Variants in HEMK2 observed in about 807,000 individuals in gnomAD.
HEMK2 encodes the protein methyltransferase HEMK2.
chr21:28,583,389 C>T, the HEMK2 span, among the ~76,000 whole-genome samples: 1 of 152,154 alleles, frequency 6.6e-6, no homozygotes, highest in Non-Finnish European at 1.5e-5. Context: ...CCAGAAACCC[C>T]TTCAAGAATT....
the HEMK2 span, among the ~76,000 whole-genome samples, chr21:28,844,904 T>C: frequency 6.6e-6 from 1 of 151,524 alleles, no homozygotes. Flanking sequence ...TGTTCAGCTA[T>C]TTGAAAAAAT....
the HEMK2 span, among the ~76,000 whole-genome samples, chr21:28,606,762 A>G: frequency 5.1e-4 from 77 of 152,206 alleles, no homozygotes; most frequent in Non-Finnish European, 9.1e-4. Context: ...TTCTGCCTCA[A>G]TAAAGTTTAC....
At chr21:28,627,748 C>G in the HEMK2 span, among the ~76,000 whole-genome samples, 1 of 152,168 alleles carries the variant, frequency 6.6e-6, no homozygotes, top group Non-Finnish European at 1.5e-5. Flanking sequence ...GTTACCACAC[C>G]TAAGTAACAA....
chr21:28,789,560 A>G, the HEMK2 span, among the ~76,000 whole-genome samples: 1 of 152,238 alleles, frequency 6.6e-6, no homozygotes, highest in Non-Finnish European at 1.5e-5. Flanking sequence ...CTACATTGCT[A>G]ACTAATGCCT....
the HEMK2 span, among the ~76,000 whole-genome samples, chr21:28,834,189 A>G: frequency 1.3e-5 from 2 of 152,196 alleles, no homozygotes. Flanking sequence ...CTCCAGACAG[A>G]GCAGTGTGCA....
chr21:28,647,581 A>G, the HEMK2 span, among the ~76,000 whole-genome samples: 1 of 151,964 alleles, frequency 6.6e-6, no homozygotes, highest in Non-Finnish European at 1.5e-5. Flanking sequence ...ACTCCACCCA[A>G]CGTCACCTCC....
chr21:28,878,314 T>C, the HEMK2 span: 2 of 1,613,580 alleles, frequency 1.2e-6, no homozygotes, highest in Non-Finnish European at 1.7e-6. Context: ...CCAAGCTGCC[T>C]CTATTCCGTG....
chr21:28,829,240 C>G, the HEMK2 span, among the ~76,000 whole-genome samples: 2 of 152,166 alleles, frequency 1.3e-5, no homozygotes, highest in East Asian at 3.8e-4. Context: ...TTACCCAAGT[C>G]TTGTTAGTTG....
the HEMK2 span, among the ~76,000 whole-genome samples, chr21:28,706,788 A>G: frequency 2.8e-5 from 1 of 35,302 alleles, no homozygotes; most frequent in African/African-American, 7.4e-4. Context: ...CTGAACCACA[A>G]AAAAACTGAA....
the HEMK2 span, among the ~76,000 whole-genome samples, chr21:28,819,615 C>T: frequency 3.8e-4 from 55 of 144,312 alleles, no homozygotes; most frequent in African/African-American, 1.4e-3. Context: ...GGCGCGATCT[C>T]GGCTCACTGC....
chr21:28,811,249 GGAAAGAAA>G, the HEMK2 span, among the ~76,000 whole-genome samples: 191 of 133,010 alleles, frequency 1.4e-3, no homozygotes, highest in Non-Finnish European at 2.3e-3. Context: ...CAGAGAAAGA[GGAAAGAAA>G]GAAAGAAAGA....
chr21:28,624,965 T>C, the HEMK2 span, among the ~76,000 whole-genome samples: 5 of 152,224 alleles, frequency 3.3e-5, no homozygotes, highest in Admixed American at 6.5e-5. Flanking sequence ...AAAGGCAGAG[T>C]GTAAGACTTT....
At chr21:28,861,782 A>G in the HEMK2 span, among the ~76,000 whole-genome samples, 1 of 152,170 alleles carries the variant, frequency 6.6e-6, no homozygotes, top group Admixed American at 6.5e-5. Context: ...AATATACGGT[A>G]CTGTTTCTCT....
the HEMK2 span, chr21:28,875,271 T>A: frequency 4.6e-5 from 7 of 152,292 alleles, no homozygotes; most frequent in African/African-American, 1.7e-4. Flanking sequence ...GTGGCTCAGA[T>A]AACATCCAGT....
the HEMK2 span, among the ~76,000 whole-genome samples, chr21:28,785,152 C>A: frequency 6.6e-6 from 1 of 152,140 alleles, no homozygotes; most frequent in Non-Finnish European, 1.5e-5. Context: ...CAAACACATC[C>A]AAACATCAGA....
chr21:28,592,871 A>G, the HEMK2 span, among the ~76,000 whole-genome samples: 5 of 152,208 alleles, frequency 3.3e-5, no homozygotes, highest in African/African-American at 7.2e-5. Flanking sequence ...ACTTACATGA[A>G]TAAGTGTAAG....
chr21:28,735,956 C>T, the HEMK2 span, among the ~76,000 whole-genome samples: 1 of 152,160 alleles, frequency 6.6e-6, no homozygotes, highest in Non-Finnish European at 1.5e-5. Flanking sequence ...CTGGGCTTGA[C>T]CGGCTCATTG....
the HEMK2 span, among the ~76,000 whole-genome samples, chr21:28,630,787 G>T: frequency 1.9e-3 from 220 of 115,978 alleles, 1 homozygote; most frequent in African/African-American, 6.7e-3. Context: ...CGTGGGGTGG[G>T]GGGAGGGGGG....
the HEMK2 span, among the ~76,000 whole-genome samples, chr21:28,828,152 C>T: frequency 1.0e-4 from 15 of 144,500 alleles, no homozygotes; most frequent in Non-Finnish European, 1.5e-4. Context: ...AAGAGTATTT[C>T]GAAACTGATA....
Sources: gnomAD v4.1 joint callset for allele counts (sites outside exome capture counted in the v4.1 genomes callset) on GRCh38, gnomAD v4.1.1 for gene constraint, MANE v1.5 for transcripts, NCBI Gene and HGNC (gene_info 2026-07-23, HGNC 2026-07-21) for gene names.